Variants in NCOA4 observed in about 807,000 individuals in gnomAD.
NCOA4 encodes the protein nuclear receptor coactivator 4.
Under a neutral mutation model 69.5 loss-of-function variants are expected in NCOA4, and 31 were observed. The ratio of observed to expected loss-of-function variants is 0.45; its 90% confidence interval spans 0.34 to 0.60. The LOEUF (loss-of-function observed/expected upper bound fraction) is 0.60, where lower values mean the gene tolerates loss of function less well. Ranked by LOEUF, NCOA4 falls within the 20% of genes least tolerant of loss-of-function variation. The pLI, the probability that NCOA4 is intolerant of heterozygous loss-of-function variation, is 0.02. For synonymous variants in NCOA4, 228 were observed against 252.4 expected, an observed-to-expected ratio of 0.90 and a Z score of 0.92; for missense variants, 600 against 719.2, an observed-to-expected ratio of 0.83 and a Z score of 1.90.
rs1305155466 is a variant in NCOA4, at chr10:46,013,152, T to C, written c.571-126A>G. 6 of 792,790 alleles carry C rather than the reference T, an allele frequency of 7.6e-6. No homozygotes were observed. The Middle Eastern group carries it at 1.4e-3, about 185-fold the overall frequency. The allele number at this position is 792,790 out of a possible 1,614,324, so 49.1% of individuals were successfully genotyped here. Reference sequence around the variant, plus strand: ...ATCATGTGCCTTCCAAGAGCCTCAATTTTCACAATTATAAAACAAGAGACA... The same window carrying C: ...ATCATGTGCCTTCCAAGAGCCTCAACTTTCACAATTATAAAACAAGAGACA... On this transcript the variant is annotated intron_variant, in intron 6 of 9. Transcript: ENST00000581486.
intron 1 of NCOA4, among the ~76,000 whole-genome samples, chr10:46,026,548 G>C (rs1316410007): frequency 6.6e-6 from 1 of 152,130 alleles, no homozygotes; most frequent in Non-Finnish European, 1.5e-5. Context: ...TACTATCACA[G>C]TAATAATGCC....
rs1490372491 is a variant in NCOA4, at chr10:46,014,899, G to C, written c.326C>G (p.Thr109Ser). ...TTGATTGGCTAGATCTTTGTTTTGG[G>C]TACACTCCAGTTGATGAGTAAGACA... ...FNCLTHQLECTQNKDLANQVS... is the reference protein window; with the variant it reads ...FNCLTHQLECSQNKDLANQVS... The change falls in exon 4 of 10, where the codon ACC (threonine) becomes AGC (serine). Residue 109 changes from threonine to serine, a missense_variant. By Grantham distance (58) the Thr-to-Ser change is moderately conservative (BLOSUM62 1). Transcript: ENST00000581486. The C allele has an allele frequency of 1.9e-6, 3 of 1,613,928 alleles. No homozygotes were observed. Among genetic ancestry groups the C allele is most frequent in the Non-Finnish European group, 2.5e-6 (3 of 1,180,008 alleles).
At chr10:46,014,812 G>C in intron 4 of NCOA4, 42 bp downstream of exon 4, 3 of 1,524,722 alleles carry the variant, frequency 2.0e-6, no homozygotes, top group Non-Finnish European at 2.7e-6. Flanking sequence ...GTATACCAAA[G>C]TTCAAGAGTC....
At chr10:46,008,112 C>T (rs1838961637) in intron 9 of NCOA4, among the ~76,000 whole-genome samples, 1 of 152,148 alleles carries the variant, frequency 6.6e-6, no homozygotes, top group Non-Finnish European at 1.5e-5. Flanking sequence ...ACTTGGTCAC[C>T]CAAAAGCTCT....
intron 9 of NCOA4, among the ~76,000 whole-genome samples, chr10:46,008,458 G>A (rs1255080061): frequency 6.6e-6 from 1 of 152,174 alleles, no homozygotes; most frequent in African/African-American, 2.4e-5. Flanking sequence ...CTGCAGATGT[G>A]GTGGAAACAG....
intron 9 of NCOA4, among the ~76,000 whole-genome samples, chr10:46,008,600 ACTC>A (rs1325417861): frequency 2.0e-5 from 3 of 152,192 alleles, no homozygotes; most frequent in Non-Finnish European, 4.4e-5. Flanking sequence ...GATAGAATCT[ACTC>A]CTGGAGAAGA....
chr10:46,023,498 C>A (rs1840008928), intron 1 of NCOA4: 1 of 985,560 alleles, frequency 1.0e-6, no homozygotes. Flanking sequence ...AAGCCAAGGG[C>A]GGGGAGGAGC....
Position 46,006,251 on chromosome 10 carries a change from AGT to A in NCOA4, c.*339_*340del, listed in dbSNP as rs1363878352. 14 of 351,900 alleles carry A rather than the reference AGT, an allele frequency of 4.0e-5. No individual in the cohort carries two copies. Among genetic ancestry groups the A allele is most frequent in the African/African-American group, 2.8e-4 (14 of 49,874 alleles). 21.8% of individuals were successfully genotyped at this position (351,900 alleles called of 1,614,324 possible). ...ACATCAATATACTTCGATAAACAAG[AGT>A]GTTTTAATGTACTTTTAGTAACGAC... On this transcript the variant is annotated 3_prime_UTR_variant, in exon 10 of 10. Transcript: ENST00000581486.
chr10:46,011,500 C>A (rs539335595), intron 7 of NCOA4, among the ~76,000 whole-genome samples: 1 of 151,024 alleles, frequency 6.6e-6, no homozygotes, highest in Non-Finnish European at 1.5e-5. Context: ...TGGTCTCGAT[C>A]TCCTGACCTC....
rs782766322 is a variant in NCOA4, at chr10:46,014,950, A to C, written c.283-8T>G. On this transcript the variant is annotated splice_region_variant and splice_polypyrimidine_tract_variant and intron_variant, in intron 3 of 9. Coordinates refer to ENST00000581486, the MANE Select transcript of NCOA4 (RefSeq NM_001145263.2). ...ATTGAACTGGCCCAATAACTAAAAG[A>C]AAAATGAAACCAACTAGCCACAATG... The C allele has an allele frequency of 6.2e-7, 1 of 1,612,496 alleles. No homozygotes were observed. Among genetic ancestry groups the C allele is most frequent in the South Asian group, 1.1e-5 (1 of 90,826 alleles).
At chr10:46,025,255 T>A (rs187379391) in intron 1 of NCOA4, among the ~76,000 whole-genome samples, 3 of 152,296 alleles carry the variant, frequency 2.0e-5, no homozygotes, top group African/African-American at 7.2e-5. Context: ...AGAGGAAGAA[T>A]GTATCCCAGC....
chr10:46,009,378 A>C, intron 9 of NCOA4, 33 bp downstream of exon 9: 1 of 1,590,640 alleles, frequency 6.3e-7, no homozygotes, highest in Non-Finnish European at 8.6e-7. Context: ...AAATAGCTAT[A>C]ATCTAATTTT....
intron 1 of NCOA4, among the ~76,000 whole-genome samples, chr10:46,029,895 G>T (rs78149703): frequency 1.3e-5 from 2 of 152,130 alleles, no homozygotes; most frequent in Admixed American, 6.5e-5. Flanking sequence ...CTGGTGGAAT[G>T]AACCAATGAA....
intron 7 of NCOA4, among the ~76,000 whole-genome samples, chr10:46,012,342 G>A (rs1397212682): frequency 6.6e-6 from 1 of 152,022 alleles, no homozygotes; most frequent in African/African-American, 2.4e-5. Flanking sequence ...ATCTAGGAAT[G>A]CAATTTCTAT....
At chr10:46,009,024 A>G in intron 9 of NCOA4, 1 of 703,026 alleles carries the variant, frequency 1.4e-6, no homozygotes, top group African/African-American at 1.8e-5. Flanking sequence ...ACTATAGTGT[A>G]TTATATACAA....
chr10:46,009,684 C>CTACCCCA (rs1554920667), intron 8 of NCOA4, 133 bp from the exon 9 acceptor site: 3 of 814,920 alleles, frequency 3.7e-6, no homozygotes, highest in African/African-American at 1.7e-5. Context: ...ACAAAGGTGA[C>CTACCCCA]AATTGTTATT....
At chr10:46,019,610 T>C (rs1839756333) in intron 1 of NCOA4, 2 of 678,918 alleles carry the variant, frequency 2.9e-6, no homozygotes, top group South Asian at 1.3e-4. Flanking sequence ...CTCAAATACA[T>C]ACAGTGCTGA....
chr10:46,010,242 A>C lies in NCOA4; in HGVS notation c.1679T>G (p.Leu560Arg). 2 of 1,605,610 alleles carry C rather than the reference A, an allele frequency of 1.2e-6. No homozygotes were observed. The highest frequency in any genetic ancestry group is 1.7e-6 in the Non-Finnish European group (2 of 1,177,306). Residue 560 changes from leucine (L) to arginine (R), a missense_variant, in exon 8 of 10, where the codon CTG becomes CGG. Transcript: ENST00000581486. The part of the protein sequence containing the change: ...SQLSSGEDKW[L>R]LRKKAQEVLL... ...GCTCACCTGGGCCTTCTTTCGAAGC[A>C]GCCACTTGTCTTCTCCAGAAGATAA...
At chr10:46,014,265 C>T (rs1382945512) in intron 5 of NCOA4, among the ~76,000 whole-genome samples, 179 bp downstream of exon 5, 1 of 152,182 alleles carries the variant, frequency 6.6e-6, no homozygotes, top group Non-Finnish European at 1.5e-5. Flanking sequence ...GATCCGCCCT[C>T]CTCGGCCTCC....
Sources: allele counts gnomAD v4.1 joint callset (sites outside exome capture counted in the v4.1 genomes callset), GRCh38; gene constraint gnomAD v4.1.1; transcripts MANE v1.5; gene names NCBI Gene and HGNC (gene_info 2026-07-23, HGNC 2026-07-21).